ADGRE1: variants seen among roughly 807,000 people sequenced by gnomAD.
ADGRE1 encodes the protein EGF-like module receptor 1.
In ADGRE1, 82 loss-of-function variants were observed where a neutral mutation model predicts 102.7. The ratio of observed to expected loss-of-function variants is 0.80; its 90% CI spans 0.67 to 0.96. The LOEUF is 0.96. ADGRE1 is among the 40% of genes least tolerant of loss of function. The pLI is 0.00. For missense variants in ADGRE1, 1,032 were observed against 1,085.3 expected (o/e 0.95, Z 0.69); for synonymous variants, 398 against 399.6 (o/e 1.00, Z 0.05).
intron 2 of ADGRE1, among the ~76,000 whole-genome samples, chr19:6,891,701 A>C (rs1485748059): frequency 6.6e-6 from 1 of 152,072 alleles, no homozygotes; most frequent in African/African-American, 2.4e-5. Flanking sequence ...TGCTCACCCC[A>C]GCCTTCCGAA....
intron 20 of ADGRE1, 116 bp from the exon 21 acceptor site, chr19:6,939,908 C>T: frequency 8.4e-7 from 1 of 1,184,884 alleles, no homozygotes; most frequent in Admixed American, 1.9e-5. Flanking sequence ...AGTGTTTATC[C>T]TTCTAGTCTT....
chr19:6,919,795 T>G (rs1568354576), intron 13 of ADGRE1, 48 bp downstream of exon 13: 9 of 1,568,072 alleles, frequency 5.7e-6, no homozygotes, highest in Non-Finnish European at 7.9e-6. Flanking sequence ...TGTTGGGAAC[T>G]CCTCGTCTCT....
intron 18 of ADGRE1, among the ~76,000 whole-genome samples, chr19:6,935,527 C>T (rs1051714757): frequency 7.2e-5 from 11 of 151,978 alleles, no homozygotes; most frequent in Admixed American, 5.9e-4. Flanking sequence ...TGATTTCTGA[C>T]TTCATTAGAT....
intron 18 of ADGRE1, among the ~76,000 whole-genome samples, chr19:6,936,745 C>G (rs1385662854): frequency 6.6e-6 from 1 of 151,876 alleles, no homozygotes; most frequent in Admixed American, 6.6e-5. Context: ...GCCTCAGCCT[C>G]CTGGGTAGCT....
chr19:6,897,413 T>C lies in ADGRE1; in HGVS notation c.395-15T>C. ...CCAATTTCTTATCTGCTCACCCTCT[T>C]CCACTGCTTCTCAGATATCAATGAG... On this transcript the variant is annotated splice_polypyrimidine_tract_variant and intron_variant, in intron 4 of 20. Coordinates refer to ENST00000312053, the MANE Select transcript of ADGRE1 (RefSeq NM_001974.5). The C allele has an allele frequency of 6.3e-7, 1 of 1,594,254 alleles. No homozygotes were observed. The highest frequency in any genetic ancestry group is 1.7e-4 in the Middle Eastern group (1 of 5,950).
At chr19:6,903,593 C>A (rs1247816803) in intron 6 of ADGRE1, among the ~76,000 whole-genome samples, 14 of 152,160 alleles carry the variant, frequency 9.2e-5, no homozygotes, top group Non-Finnish European at 2.1e-4. Flanking sequence ...CACTTCTTGA[C>A]CACCTTGGCC....
intron 10 of ADGRE1, 88 bp from the exon 11 acceptor site, chr19:6,913,565 C>T: frequency 1.5e-6 from 2 of 1,305,766 alleles, no homozygotes; most frequent in Non-Finnish European, 2.1e-6. Context: ...GGATGGACTC[C>T]CAGCCTATTC....
Position 6,912,006 on chromosome 19 carries a change from C to A in ADGRE1, c.1123-1647C>A, listed in dbSNP as rs548185132. Among the ~76,000 whole-genome samples, 256 of 152,010 alleles carry A rather than the reference C, an allele frequency of 1.7e-3. 1 individual carries two copies. The highest frequency in any genetic ancestry group is 5.7e-3 in the African/African-American group (235 of 41,464). The stretch of plus-strand genomic sequence containing the variant: ...ACACACAGATACACACATACACATC[C>A]ACACACATATACACACTCCTGACAC... On this transcript the variant is annotated intron_variant, in intron 10 of 20. Coordinates refer to ENST00000312053, the MANE Select transcript of ADGRE1 (RefSeq NM_001974.5).
At chr19:6,891,538 C>T (rs576351320) in intron 2 of ADGRE1, among the ~76,000 whole-genome samples, 6 of 151,804 alleles carry the variant, frequency 4.0e-5, no homozygotes, top group Admixed American at 2.0e-4. Context: ...ACTGCAAGCT[C>T]CGCCTTCCAG....
intron 16 of ADGRE1, among the ~76,000 whole-genome samples, chr19:6,927,305 C>CTCCCTTCCTCCCTTCCTCCCTTCCT (rs79666426): frequency 7.2e-5 from 10 of 138,868 alleles, no homozygotes; most frequent in African/African-American, 2.7e-4. Flanking sequence ...CCCTCTCTTC[C>CTCCCTTCCTCCCTTCCTCCCTTCCT]TCCCTTCCTC....
Position 6,923,613 on chromosome 19 carries a change from C to T in ADGRE1, c.1792-1065C>T, listed in dbSNP as rs1696456229. The stretch of plus-strand genomic sequence containing the variant: ...AGGTGTGATCTCAGCTCACTGCAAC[C>T]TCTGCCTCCCAGGTTCAACCAATTC... On this transcript the variant is annotated intron_variant, in intron 14 of 20. Coordinates refer to ENST00000312053, the MANE Select transcript of ADGRE1 (RefSeq NM_001974.5). Among the ~76,000 whole-genome samples the T allele has an allele frequency of 2.0e-5, 3 of 152,234 alleles. No homozygotes were observed. In the South Asian group the frequency reaches 6.2e-4, roughly 32 times the overall value.
chr19:6,924,705 C>T lies in ADGRE1; in HGVS notation c.1819C>T (p.His607Tyr). ...GGACTTTTCCTTGTACATCATTAGC[C>T]ATGTAGGCATTATCATCTCCTTGGT... is the stretch of plus-strand genomic sequence containing the variant. ...TMDFSLYIISHVGIIISLVCL... is the reference protein window; with the variant it reads ...TMDFSLYIISYVGIIISLVCL... The change falls in exon 15 of 21, where the codon CAT becomes TAT. Residue 607 changes from histidine (H) to tyrosine (Y), a missense_variant. His to Tyr is a moderately conservative substitution (Grantham distance 83, BLOSUM62 2). Transcript: ENST00000312053. 8 of 1,614,120 alleles carry T rather than the reference C, an allele frequency of 5.0e-6. No individual in the cohort carries two copies. The highest frequency in any genetic ancestry group is 5.9e-6 in the Non-Finnish European group (7 of 1,180,004).
intron 17 of ADGRE1, chr19:6,928,479 T>C (rs1425175654): frequency 4.6e-6 from 3 of 647,266 alleles, no homozygotes; most frequent in Non-Finnish European, 7.3e-6. Flanking sequence ...TACAAAAAAT[T>C]AGCTGGGTGT....
At chr19:6,906,924 G>C (rs994964071) in intron 9 of ADGRE1, among the ~76,000 whole-genome samples, 1 of 152,184 alleles carries the variant, frequency 6.6e-6, no homozygotes, top group African/African-American at 2.4e-5. Flanking sequence ...AAGCTGGGAA[G>C]AGAGAATGTT....
intron 9 of ADGRE1, 58 bp from the exon 10 acceptor site, chr19:6,908,631 G>A: frequency 2.0e-6 from 3 of 1,469,512 alleles, no homozygotes; most frequent in Non-Finnish European, 9.2e-7. Flanking sequence ...TTACATGCTT[G>A]GGGGAATACA....
chr19:6,920,589 C>G (rs866460041), intron 13 of ADGRE1, among the ~76,000 whole-genome samples: 1 of 126,870 alleles, frequency 7.9e-6, no homozygotes, highest in African/African-American at 3.0e-5. Context: ...AATGGTGCAA[C>G]CTTGGCTCAC....
rs756366717 is a variant in ADGRE1 at position 6,896,527 on chromosome 19, G to A, written c.224G>A (p.Gly75Glu). The change falls in exon 3 of 21, where the codon GGA becomes GAA. Residue 75 changes from glycine to glutamate, a missense_variant. Physicochemically the swap from Gly to Glu is moderately conservative, Grantham distance 98. Transcript: ENST00000312053. ...SNGQNHFKDPGVRCKDIDECS... is the reference protein window; with the variant it reads ...SNGQNHFKDPEVRCKDIDECS... ...GGGCAAAATCACTTCAAGGATCCAG[G>A]AGTGCGATGCAAAGGTGAGTTCATG... 1 of 1,614,076 alleles carries A rather than the reference G, an allele frequency of 6.2e-7. No homozygotes were observed. The highest frequency in any genetic ancestry group is 8.5e-7 in the Non-Finnish European group (1 of 1,179,972).
intron 2 of ADGRE1, among the ~76,000 whole-genome samples, chr19:6,890,745 G>A (rs929578925): frequency 2.8e-4 from 43 of 152,064 alleles, no homozygotes; most frequent in African/African-American, 1.0e-3. Flanking sequence ...TCTCAGATAA[G>A]TCACATAACC....
chr19:6,894,446 G>A (rs933303907), intron 2 of ADGRE1, among the ~76,000 whole-genome samples: 9 of 152,150 alleles, frequency 5.9e-5, no homozygotes, highest in Non-Finnish European at 1.3e-4. Flanking sequence ...AAGGCTTCCT[G>A]GAGGAAGTGA....
Sources: allele counts gnomAD v4.1 joint callset (sites outside exome capture counted in the v4.1 genomes callset), GRCh38; gene constraint gnomAD v4.1.1; transcripts MANE v1.5; gene names NCBI Gene and HGNC (gene_info 2026-07-23, HGNC 2026-07-21).